The following SPOCK3 variants were observed in gnomAD, a reference collection of about 807,000 sequenced individuals.
SPOCK3 encodes testican-3.
A neutral mutation model predicts 56.6 loss-of-function variants in SPOCK3; 30 were observed. That is an observed-to-expected ratio of 0.53 (90% CI 0.40 to 0.72). The LOEUF is 0.72. Among genes scored for constraint, SPOCK3 ranks in the 30% least tolerant of loss-of-function variants. The pLI is 0.00. For missense variants in SPOCK3, 527 were observed against 530.0 expected (o/e 0.99, Z 0.06); for synonymous variants, 196 against 183.3 (o/e 1.07, Z -0.56).
At chr4:166,884,477 A>C (rs1211350191) in intron 6 of SPOCK3, among the ~76,000 whole-genome samples, 1 of 152,224 alleles carries the variant, frequency 6.6e-6, no homozygotes, top group South Asian at 2.1e-4. Flanking sequence ...ATGCAAATAC[A>C]TACTATTAAG....
intron 2 of SPOCK3, among the ~76,000 whole-genome samples, chr4:167,231,834 C>T (rs1008850049): frequency 2.6e-5 from 4 of 152,010 alleles, no homozygotes; most frequent in Admixed American, 6.6e-5. Context: ...GGCATTTATC[C>T]GCTCCATTCC....
intron 2 of SPOCK3, among the ~76,000 whole-genome samples, chr4:167,232,532 T>G (rs1737281268): frequency 6.6e-6 from 1 of 152,184 alleles, no homozygotes; most frequent in Non-Finnish European, 1.5e-5. Flanking sequence ...TCAATTTTCG[T>G]TTTTGTTTTT....
chr4:166,925,356 G>C (rs1738969912), intron 4 of SPOCK3, among the ~76,000 whole-genome samples: 1 of 151,770 alleles, frequency 6.6e-6, no homozygotes, highest in Non-Finnish European at 1.5e-5. Flanking sequence ...CCTGCTCTAA[G>C]AAATAGTAGA....
chr4:166,936,307 T>C (rs1740396421), intron 4 of SPOCK3, among the ~76,000 whole-genome samples: 1 of 152,084 alleles, frequency 6.6e-6, no homozygotes, highest in South Asian at 2.1e-4. Context: ...TTTAATTTAA[T>C]TAATCACAAT....
intron 6 of SPOCK3, among the ~76,000 whole-genome samples, chr4:166,878,407 A>G (rs1403229651): frequency 6.6e-6 from 1 of 152,124 alleles, no homozygotes; most frequent in Non-Finnish European, 1.5e-5. Flanking sequence ...TCCCAAATAT[A>G]TACACTATAA....
At chr4:166,997,130 G>A (rs989965590) in intron 4 of SPOCK3, among the ~76,000 whole-genome samples, 1 of 151,870 alleles carries the variant, frequency 6.6e-6, no homozygotes, top group Non-Finnish European at 1.5e-5. Context: ...TTGACACAGG[G>A]AGGGGAACAA....
intron 7 of SPOCK3, among the ~76,000 whole-genome samples, chr4:166,766,904 T>G (rs13113542): frequency 0.33 from 50,137 of 151,916 alleles, 8,433 homozygotes; most frequent in Admixed American, 0.42. Flanking sequence ...ACTTCTTCCT[T>G]GTTTAGTCTT....
chr4:166,745,772 C>T (rs1735531854), intron 8 of SPOCK3, among the ~76,000 whole-genome samples: 1 of 151,812 alleles, frequency 6.6e-6, no homozygotes, highest in African/African-American at 2.4e-5. Context: ...CACATAGGCT[C>T]AAAATAAAGG....
chr4:167,049,405 A>G (rs1753997813), intron 3 of SPOCK3, among the ~76,000 whole-genome samples: 1 of 152,176 alleles, frequency 6.6e-6, no homozygotes, highest in Admixed American at 6.6e-5. Flanking sequence ...TTACACGTGG[A>G]ACTTTTAGAG....
At chr4:166,947,771 A>G (rs889827594) in intron 4 of SPOCK3, among the ~76,000 whole-genome samples, 11 of 152,248 alleles carry the variant, frequency 7.2e-5, no homozygotes, top group African/African-American at 2.6e-4. Flanking sequence ...CATGAGGTAC[A>G]GTGGGATGTT....
intron 4 of SPOCK3, among the ~76,000 whole-genome samples, chr4:166,998,025 C>CA (rs2150123726): frequency 6.6e-6 from 1 of 152,216 alleles, no homozygotes; most frequent in South Asian, 2.1e-4. Context: ...TTATATTAGC[C>CA]ATTTTTATTG....
intron 6 of SPOCK3, among the ~76,000 whole-genome samples, chr4:166,795,806 A>G (rs1015016451): frequency 6.6e-6 from 1 of 151,932 alleles, no homozygotes; most frequent in Non-Finnish European, 1.5e-5. Context: ...TAGGCACAAA[A>G]CTCTCTGCCT....
rs1355457650 is a variant in SPOCK3, at chr4:167,125,252, C to T, written c.190-62715G>A. Among the ~76,000 whole-genome samples, 17 of 144,336 alleles carry T rather than the reference C, an allele frequency of 1.2e-4. No individual in the cohort carries two copies. The South Asian group carries it at 3.6e-3, about 31-fold the overall frequency. The allele number at this position is 144,336 out of a possible 152,430, so 94.7% of individuals were successfully genotyped here. ...ATTTTTATTTATTTTTATTTTTTGG[C>T]TGGGGTAGAGGACTGCTGTTCACTC... On this transcript the variant is annotated intron_variant, in intron 2 of 10. Coordinates refer to ENST00000357545, the MANE Select transcript of SPOCK3 (RefSeq NM_001040159.2).
intron 6 of SPOCK3, among the ~76,000 whole-genome samples, chr4:166,800,766 G>A (rs765614740): frequency 2.6e-5 from 4 of 151,998 alleles, no homozygotes; most frequent in Non-Finnish European, 4.4e-5. Context: ...GGTTAATTTT[G>A]ATTAGTGAAA....
chr4:167,232,348 TAAAA>T (rs67711117), intron 2 of SPOCK3, among the ~76,000 whole-genome samples: 30,828 of 145,298 alleles, frequency 0.21, 3,773 homozygotes, highest in African/African-American at 0.35. Context: ...TTGATTTTAT[TAAAA>T]AAAAAAAAAA....
At chr4:167,039,690 T>G (rs1753082215) in intron 3 of SPOCK3, among the ~76,000 whole-genome samples, 1 of 147,446 alleles carries the variant, frequency 6.8e-6, no homozygotes, top group Non-Finnish European at 1.5e-5. Flanking sequence ...AAAAAAAAAA[T>G]GCTGAAAAGT....
At chr4:167,061,611 A>C (rs762763170) in intron 3 of SPOCK3, among the ~76,000 whole-genome samples, 3 of 151,934 alleles carry the variant, frequency 2.0e-5, no homozygotes, top group Non-Finnish European at 4.4e-5. Context: ...ATCTGGTAAC[A>C]TAGCAAAATA....
chr4:167,004,138 T>C (rs1198877400), intron 3 of SPOCK3, among the ~76,000 whole-genome samples: 1 of 152,140 alleles, frequency 6.6e-6, no homozygotes, highest in African/African-American at 2.4e-5. Flanking sequence ...GTATAAATAG[T>C]TATTAATAAT....
intron 2 of SPOCK3, among the ~76,000 whole-genome samples, chr4:167,194,466 G>T (rs1732750934): frequency 1.3e-5 from 2 of 152,122 alleles, no homozygotes; most frequent in African/African-American, 4.8e-5. Flanking sequence ...TACTTGTGTG[G>T]TGTCATGTTT....
Sources: allele counts gnomAD v4.1 joint callset (sites outside exome capture counted in the v4.1 genomes callset), GRCh38; gene constraint gnomAD v4.1.1; transcripts MANE v1.5; gene names NCBI Gene and HGNC (gene_info 2026-07-23, HGNC 2026-07-21).